Variants in ZFP64 observed in about 807,000 individuals in gnomAD.
ZFP64 encodes the protein ZFP64 zinc finger protein, also known as zinc finger protein 64.
A neutral mutation model predicts 51.6 loss-of-function variants in ZFP64; 14 were observed. That is an observed-to-expected ratio of 0.27 (90% CI 0.18 to 0.42). ZFP64 has a LOEUF of 0.42. Ranked by LOEUF, ZFP64 falls within the 10% of genes least tolerant of loss-of-function variation. ZFP64 has a pLI of 1.00. For missense variants in ZFP64, 754 were observed against 906.8 expected, an observed-to-expected ratio of 0.83 and a Z score of 2.16; for synonymous variants, 375 against 361.4, an observed-to-expected ratio of 1.04 and a Z score of -0.43.
chr20:52,171,766 G>T (rs1444473593), intron 2 of ZFP64, among the ~76,000 whole-genome samples: 22 of 110,718 alleles, frequency 2.0e-4, no homozygotes, highest in African/African-American at 2.5e-4. Flanking sequence ...TTTTTTTTTT[G>T]AGATGCAGTC....
At chr20:52,099,077 CAAG>C (rs544451698) in intron 5 of ZFP64, among the ~76,000 whole-genome samples, 262 of 151,384 alleles carry the variant, frequency 1.7e-3, no homozygotes, top group African/African-American at 6.1e-3. Context: ...CTACGGTTTC[CAAG>C]AAGTACAGGG....
Position 52,151,477 on chromosome 20 carries a change from A to C in ZFP64, c.*669T>G. The C allele has an allele frequency of 1.0e-6, 1 of 985,470 alleles. No individual in the cohort carries two copies. Among genetic ancestry groups the C allele is most frequent in the Non-Finnish European group, 1.2e-6 (1 of 829,978 alleles). 61.0% of individuals were successfully genotyped at this position (985,470 alleles called of 1,614,324 possible). A position where few individuals can be genotyped will look rare whatever the true frequency, so the allele number is the denominator to read the frequency against. On this transcript the variant is annotated 3_prime_UTR_variant, in exon 6 of 6. Transcript: ENST00000216923. ...GAATGGGGCAAAAGAGAGGCTGGGA[A>C]GTACCATTTACTACACAAATGTAAT... is the stretch of plus-strand genomic sequence containing the variant.
chr20:52,150,106 G>A (rs1356888870), downstream of ZFP64, among the ~76,000 whole-genome samples: 1 of 151,678 alleles, frequency 6.6e-6, no homozygotes, highest in Admixed American at 6.6e-5. Flanking sequence ...TCAGGAGGCT[G>A]AGGCAGGAGA....
chr20:52,172,221 T>TTGTGTG (rs537503128), intron 2 of ZFP64, among the ~76,000 whole-genome samples: 3 of 147,986 alleles, frequency 2.0e-5, no homozygotes, highest in African/African-American at 7.5e-5. Flanking sequence ...GTGTGTGTGT[T>TTGTGTG]TGTGTGTGTG....
chr20:52,153,720 TA>T lies in ZFP64; in HGVS notation c.764-293del, dbSNP rs771626047. On this transcript the variant is annotated intron_variant, in intron 5 of 5. Coordinates refer to ENST00000216923, the MANE Select transcript of ZFP64 (RefSeq NM_018197.3). The surrounding 1 kb of genome is among the most constrained non-coding windows in gnomAD (Gnocchi z 5.1). Reference sequence around the variant, plus strand: ...TTACAAGTATACTTGTTATATTCTTTAAAACACTCAAACTATCTTTCATACA... The same window carrying T: ...TTACAAGTATACTTGTTATATTCTTTAAACACTCAAACTATCTTTCATACA... Among the ~76,000 whole-genome samples the T allele has an allele frequency of 9.3e-4, 141 of 152,374 alleles. No individual in the cohort carries two copies. Among genetic ancestry groups the T allele is most frequent in the Middle Eastern group, 6.8e-3 (2 of 294 alleles).
At chr20:52,138,255 A>G (rs1980080805) in intron 5 of ZFP64, among the ~76,000 whole-genome samples, 1 of 152,170 alleles carries the variant, frequency 6.6e-6, no homozygotes, top group African/African-American at 2.4e-5. Context: ...GATGGAGATG[A>G]ATATATAACT....
chr20:52,110,984 T>A, intron 5 of ZFP64: 1 of 1,500,720 alleles, frequency 6.7e-7, no homozygotes, highest in Non-Finnish European at 9.3e-7. Context: ...CTTTTGGGAA[T>A]GACCTTGTAG....
In ZFP64 at chr20:52,167,472, T is replaced by G. The variant is rs1046898304; in HGVS notation, c.287-1447A>C. Among the ~76,000 whole-genome samples, 3 of 85,014 alleles carry G rather than the reference T, an allele frequency of 3.5e-5. No homozygotes were observed. The Admixed American group carries it at 4.0e-4, about 11-fold the overall frequency. 55.8% of individuals were successfully genotyped at this position (85,014 alleles called of 152,430 possible). On this transcript the variant is annotated intron_variant, in intron 2 of 5. Transcript: ENST00000216923. ...TAGTCTGGGACTTAGGCATGTTTCC[T>G]CCCTCCCTTCCTCCCTCCCTTCTTC...
chr20:52,136,202 T>G (rs971259212), intron 5 of ZFP64, among the ~76,000 whole-genome samples: 2 of 151,598 alleles, frequency 1.3e-5, no homozygotes, highest in Non-Finnish European at 2.9e-5. Context: ...ATCCTTAACT[T>G]CTAGGCATAC....
At chr20:52,103,043 T>C (rs181196330) in intron 5 of ZFP64, among the ~76,000 whole-genome samples, 38 of 152,184 alleles carry the variant, frequency 2.5e-4, no homozygotes, top group Middle Eastern at 6.8e-3. Flanking sequence ...CGATTTCTTT[T>C]ACGTTTAGAC....
rs184599870 is a variant in ZFP64 at position 52,134,203 on chromosome 20, T to A, written c.763+25920A>T. Among the ~76,000 whole-genome samples the A allele has an allele frequency of 4.3e-3, 648 of 151,908 alleles. 2 individuals carry two copies. Among genetic ancestry groups the A allele is most frequent in the Admixed American group, 9.6e-3 (146 of 15,220 alleles). ...CCTGTATTTGTAATTTTACATTTTTTAAAAAAAATACACTTCAGGCCCCAT... is the reference window on the plus strand; with the variant it reads ...CCTGTATTTGTAATTTTACATTTTTAAAAAAAAATACACTTCAGGCCCCAT... On this transcript the variant is annotated intron_variant, in intron 5 of 8. Transcript: ENST00000361387.
At chr20:52,135,614 G>A (rs1979932510) in intron 5 of ZFP64, among the ~76,000 whole-genome samples, 1 of 152,020 alleles carries the variant, frequency 6.6e-6, no homozygotes, top group African/African-American at 2.4e-5. Flanking sequence ...AGCCTCCCAA[G>A]AAGCCAGTAC....
chr20:52,111,114 G>A, intron 5 of ZFP64: 2 of 830,800 alleles, frequency 2.4e-6, no homozygotes, highest in Non-Finnish European at 4.1e-6. Flanking sequence ...ACGCGGAGCG[G>A]GGCACGGCGG....
At chr20:52,142,136 G>A (rs1457289231) in intron 5 of ZFP64, among the ~76,000 whole-genome samples, 1 of 152,068 alleles carries the variant, frequency 6.6e-6, no homozygotes, top group African/African-American at 2.4e-5. Context: ...GGAGGCCAAG[G>A]TTTGCGGATG....
chr20:52,122,429 C>A (rs944131749), intron 5 of ZFP64, among the ~76,000 whole-genome samples: 7 of 151,376 alleles, frequency 4.6e-5, no homozygotes, highest in Non-Finnish European at 7.4e-5. Context: ...TGGCGTGAAC[C>A]CGGGAGGTGG....
intron 2 of ZFP64, among the ~76,000 whole-genome samples, chr20:52,183,104 G>A (rs73270858): frequency 1.9e-3 from 289 of 152,254 alleles, no homozygotes; most frequent in African/African-American, 6.7e-3. Context: ...GCTCATTCCA[G>A]AAACAGAAAG....
chr20:52,103,436 G>T (rs1268761470), intron 5 of ZFP64, among the ~76,000 whole-genome samples: 1 of 152,152 alleles, frequency 6.6e-6, no homozygotes, highest in Non-Finnish European at 1.5e-5. Context: ...CTCCGAAGTG[G>T]TGGCTGGGGT....
At chr20:52,163,501 ACC>A (rs1981997890) in intron 4 of ZFP64, among the ~76,000 whole-genome samples, 1 of 152,256 alleles carries the variant, frequency 6.6e-6, no homozygotes, top group African/African-American at 2.4e-5. Context: ...TAGAACGCTT[ACC>A]AATCAATACT....
intron 2 of ZFP64, among the ~76,000 whole-genome samples, chr20:52,183,682 T>G (rs1163373986): frequency 6.6e-6 from 1 of 152,152 alleles, no homozygotes; most frequent in Non-Finnish European, 1.5e-5. Context: ...CAACATACTT[T>G]TGTTAAGGTT....
Sources: allele counts gnomAD v4.1 joint callset (sites outside exome capture counted in the v4.1 genomes callset), GRCh38; gene constraint gnomAD v4.1.1; non-coding constraint Gnocchi (gnomAD v3.1); transcripts MANE v1.5; gene names NCBI Gene and HGNC (gene_info 2026-07-23, HGNC 2026-07-21).